Variants in TUBE1 observed in about 807,000 individuals in gnomAD.
TUBE1 encodes the protein tubulin epsilon chain.
In TUBE1, 34 loss-of-function variants were observed where a neutral mutation model predicts 53.5. The ratio of observed to expected loss-of-function variants is 0.64; its 90% confidence interval spans 0.48 to 0.85. TUBE1 has a LOEUF of 0.85. Among genes scored for constraint, TUBE1 ranks in the 40% least tolerant of loss-of-function variants. TUBE1 has a pLI of 0.00. For synonymous variants in TUBE1, 177 were observed against 198.4 expected (o/e 0.89, Z 0.91); for missense variants, 532 against 570.5 (o/e 0.93, Z 0.69).
chr6:112,086,716 A>C, intron 2 of TUBE1, 108 bp from the exon 3 acceptor site: 1 of 704,638 alleles, frequency 1.4e-6, no homozygotes, highest in East Asian at 2.8e-5. Context: ...TGAGACTCTG[A>C]TAAGAAAAAC....
intron 4 of TUBE1, among the ~76,000 whole-genome samples, chr6:112,083,003 T>C (rs1777094162): frequency 6.6e-6 from 1 of 152,128 alleles, no homozygotes; most frequent in Admixed American, 6.5e-5. Context: ...TAATAGTGTT[T>C]CCTTCACCTC....
chr6:112,074,912 G>A (rs1301685297), intron 8 of TUBE1, 62 bp from the exon 9 acceptor site: 2 of 1,183,232 alleles, frequency 1.7e-6, no homozygotes, highest in African/African-American at 3.1e-5. Flanking sequence ...TTTAAATGTA[G>A]CTCGATTTAT....
chr6:112,080,896 T>C (rs587629011), intron 5 of TUBE1, among the ~76,000 whole-genome samples, 196 bp downstream of exon 5: 2 of 152,296 alleles, frequency 1.3e-5, no homozygotes, highest in Admixed American at 6.5e-5. Context: ...AATTCTTCTT[T>C]TTCTTTAAAA....
At chr6:112,073,865 T>G (rs1776909142) in intron 9 of TUBE1, among the ~76,000 whole-genome samples, 1 of 152,178 alleles carries the variant, frequency 6.6e-6, no homozygotes, top group South Asian at 2.1e-4. Context: ...AGCCTCAAAC[T>G]CCTGGGTTCA....
chr6:112,073,337 T>G (rs1776901994), intron 9 of TUBE1, among the ~76,000 whole-genome samples: 1 of 152,200 alleles, frequency 6.6e-6, no homozygotes, highest in East Asian at 1.9e-4. Flanking sequence ...ATCATAAATT[T>G]TGTTAACAGG....
chr6:112,082,947 G>T (rs879953211), intron 4 of TUBE1, among the ~76,000 whole-genome samples: 6 of 151,798 alleles, frequency 4.0e-5, no homozygotes, highest in Admixed American at 6.6e-5. Context: ...GTACCTTCTC[G>T]GAAAAAAAGT....
intron 6 of TUBE1, among the ~76,000 whole-genome samples, chr6:112,079,089 T>C (rs1777022987): frequency 6.6e-6 from 1 of 152,080 alleles, no homozygotes; most frequent in South Asian, 2.1e-4. Flanking sequence ...ATCATTTATT[T>C]TTACTTCAAG....
Position 112,071,968 on chromosome 6 carries a change from AT to A in TUBE1, c.1202del (p.Asn401IlefsTer5). On this transcript the variant is annotated frameshift_variant, in exon 11 of 12. Coordinates refer to ENST00000368662, the MANE Select transcript of TUBE1 (RefSeq NM_016262.5). LOFTEE classifies it high-confidence loss of function. ...TGAAGGTGGGCTTCACACATGTGTT[AT>A]TTGCTAAAGCTAATAACGAATGAGA... is the stretch of plus-strand genomic sequence containing the variant. ...GHSHSLLALA[N>X]NTCVKPTFME... The A allele has an allele frequency of 6.2e-7, 1 of 1,612,904 alleles. No individual in the cohort carries two copies. The highest frequency in any genetic ancestry group is 8.5e-7 in the Non-Finnish European group (1 of 1,179,574).
At chr6:112,085,519 GC>G in intron 3 of TUBE1, 1 of 366,300 alleles carries the variant, frequency 2.7e-6, no homozygotes, top group Non-Finnish European at 5.4e-6. Flanking sequence ...CAAGAGAAGC[GC>G]CGGAAAGGAA....
In TUBE1 at chr6:112,072,891, G is replaced by A; in HGVS notation, c.961C>T (p.Gln321Ter). ...TTACTAAAGGCATCTGAAAACATCT[G>A]ATCCAATCTGCAACAATGAAATTGT... ...DVNIPPRRLD[Q>*]MFSDAFSKDH... Residue 321 changes from glutamine to a stop codon, truncating the protein, a stop_gained, in exon 10 of 12, where the codon CAG (glutamine) becomes TAG (stop). Transcript: ENST00000368662. LOFTEE classifies it high-confidence loss of function. The A allele has an allele frequency of 6.2e-7, 1 of 1,612,474 alleles. No homozygotes were observed. Among genetic ancestry groups the A allele is most frequent in the Non-Finnish European group, 8.5e-7 (1 of 1,179,274 alleles).
At chr6:112,082,877 T>C (rs1045111620) in intron 4 of TUBE1, among the ~76,000 whole-genome samples, 1 of 152,176 alleles carries the variant, frequency 6.6e-6, no homozygotes, top group Non-Finnish European at 1.5e-5. Flanking sequence ...TTGTGAAGCC[T>C]GGACTCTTCA....
At position 112,071,334 on chromosome 6, in the gene TUBE1, C is replaced by A; in HGVS notation, c.*78G>T. ...GATAATATGAAAAAACTGGAGTTTC[C>A]AAATTACAAAAATGTTGAAACAGAA... On this transcript the variant is annotated 3_prime_UTR_variant, in exon 12 of 12. Coordinates refer to ENST00000368662, the MANE Select transcript of TUBE1 (RefSeq NM_016262.5). 1.5e-6 allele frequency: 2 copies of A among 1,333,194 alleles called. No individual in the cohort carries two copies. Among genetic ancestry groups the A allele is most frequent in the Non-Finnish European group, 2.0e-6 (2 of 1,016,936 alleles). The allele number at this position is 1,333,194 out of a possible 1,614,324, so 82.6% of individuals were successfully genotyped here. A position where few individuals can be genotyped will look rare whatever the true frequency, so the allele number is the denominator to read the frequency against.
chr6:112,079,693 T>G lies in TUBE1; in HGVS notation c.388A>C (p.Lys130Gln). 2 of 1,612,370 alleles carry G rather than the reference T, an allele frequency of 1.2e-6. No homozygotes were observed. The highest frequency in any genetic ancestry group is 2.2e-5 in the South Asian group (2 of 90,812). ...AAGCAATCACAGTGCTCTGCCGACTTTCTGAATTTCTCTAAAATCTGGTCT... is the reference window on the plus strand; with the variant it reads ...AAGCAATCACAGTGCTCTGCCGACTGTCTGAATTTCTCTAAAATCTGGTCT... ...YQDQILEKFR[K>Q]SAEHCDCLQC... The change falls in exon 6 of 12, where the codon AAG becomes CAG. Residue 130 changes from lysine to glutamine, a missense_variant. By Grantham distance (53) the Lys-to-Gln change is moderately conservative. Transcript: ENST00000368662.
intron 11 of TUBE1, 78 bp downstream of exon 11, chr6:112,071,824 G>T: frequency 7.3e-7 from 1 of 1,364,030 alleles, no homozygotes; most frequent in Non-Finnish European, 9.9e-7. Context: ...CCCCTGATTT[G>T]TAATAGTGTA....
chr6:112,072,719 G>A (rs1554315521), intron 10 of TUBE1, 39 bp downstream of exon 10: 1 of 1,604,076 alleles, frequency 6.2e-7, no homozygotes, highest in South Asian at 1.1e-5. Context: ...ACTGTCCCAA[G>A]CAGCACACAC....
At chr6:112,080,050 C>G (rs782550193) in intron 5 of TUBE1, among the ~76,000 whole-genome samples, 3 of 151,894 alleles carry the variant, frequency 2.0e-5, no homozygotes, top group African/African-American at 4.8e-5. Context: ...AGGTACAATT[C>G]CAACAAAACA....
At position 112,081,191 on chromosome 6, in the gene TUBE1, A is replaced by AT. The variant is rs782813220; in HGVS notation, c.226dup (p.Met76AsnfsTer8). ...AATTTCATTCACTACCCCTTCTTCCATATCAATCAAGACTGCCTGAGAAAG... is the reference window on the plus strand; with the variant it reads ...AATTTCATTCACTACCCCTTCTTCCATTATCAATCAAGACTGCCTGAGAAAG... On this transcript the variant is annotated frameshift_variant, in exon 5 of 12. Coordinates refer to ENST00000368662, the MANE Select transcript of TUBE1 (RefSeq NM_016262.5). LOFTEE classifies it high-confidence loss of function. 1 of 1,599,682 alleles carries AT rather than the reference A, an allele frequency of 6.3e-7. No individual in the cohort carries two copies. Among genetic ancestry groups the AT allele is most frequent in the African/African-American group, 1.3e-5 (1 of 74,738 alleles).
rs1776931963 is a variant in TUBE1, at chr6:112,074,863, C to A, written c.813-13G>T. On this transcript the variant is annotated splice_polypyrimidine_tract_variant and intron_variant, in intron 8 of 11. Transcript: ENST00000368662. ...AAATCTTGCAGAGCTAAAAAGTTAA[C>A]ATTAAAATGAGAAAATTTTTAATTT... The A allele has an allele frequency of 1.9e-6, 3 of 1,547,520 alleles. No homozygotes were observed. The highest frequency in any genetic ancestry group is 1.2e-5 in the South Asian group (1 of 81,100).
At chr6:112,086,748 C>T in intron 2 of TUBE1, 140 bp from the exon 3 acceptor site, 1 of 603,118 alleles carries the variant, frequency 1.7e-6, no homozygotes, top group Non-Finnish European at 2.9e-6. Flanking sequence ...AAATGCGGAG[C>T]CTGACTCTTC....
Sources: allele counts gnomAD v4.1 joint callset (sites outside exome capture counted in the v4.1 genomes callset), GRCh38; gene constraint gnomAD v4.1.1; transcripts MANE v1.5; gene names NCBI Gene and HGNC (gene_info 2026-07-23, HGNC 2026-07-21).